SASH1: variants seen among roughly 807,000 people sequenced by gnomAD.
The protein encoded by SASH1 is SAM and SH3 domain-containing protein 1.
In SASH1, 44 loss-of-function variants were observed where a neutral mutation model predicts 125.2. The observed-to-expected ratio is 0.35, with a 90% CI of 0.28 to 0.45. The LOEUF (loss-of-function observed/expected upper bound fraction) is 0.45. Among genes scored for constraint, SASH1 ranks in the 20% least tolerant of loss-of-function variants. The pLI is 1.00. For missense variants in SASH1, 1,426 were observed against 1,614.5 expected, an observed-to-expected ratio of 0.88 and a Z score of 2.00; for synonymous variants, 639 against 649.1, an observed-to-expected ratio of 0.98 and a Z score of 0.24.
At chr6:148,264,151 G>A in the SASH1 span, among the ~76,000 whole-genome samples, 1 of 146,406 alleles carries the variant, frequency 6.8e-6, no homozygotes, top group African/African-American at 2.6e-5. Flanking sequence ...TGATTTGAAA[G>A]GACTCTGTTA....
the SASH1 span, among the ~76,000 whole-genome samples, chr6:148,251,857 A>G: frequency 4.9e-5 from 5 of 102,630 alleles, no homozygotes; most frequent in East Asian, 1.8e-3. Context: ...AACAGTCCCC[A>G]GAGTGTGATG....
At chr6:148,511,616 T>C (rs1780145470) in intron 8 of SASH1, among the ~76,000 whole-genome samples, 1 of 152,134 alleles carries the variant, frequency 6.6e-6, no homozygotes, top group African/African-American at 2.4e-5. Context: ...CAAAAATAAA[T>C]GGAACATGTG....
intron 5 of SASH1, 59 bp downstream of exon 5, chr6:148,468,644 C>G: frequency 9.2e-7 from 1 of 1,088,514 alleles, no homozygotes; most frequent in East Asian, 2.6e-5. Context: ...ATAGAAAACA[C>G]GAATATGTGA....
At chr6:148,316,149 G>A (rs1369639888) in intron 1 of SASH1, among the ~76,000 whole-genome samples, 1 of 152,150 alleles carries the variant, frequency 6.6e-6, no homozygotes, top group Non-Finnish European at 1.5e-5. Flanking sequence ...GATTTACTGA[G>A]AATATAATAT....
chr6:148,546,206 GACC>G, intron 19 of SASH1, 60 bp downstream of exon 19: 1 of 1,565,540 alleles, frequency 6.4e-7, no homozygotes, highest in Non-Finnish European at 8.7e-7. Flanking sequence ...GCTTAGTGAT[GACC>G]ATACTAACAA....
chr6:148,360,644 G>GCCCC, intron 1 of SASH1, among the ~76,000 whole-genome samples: 1 of 105,234 alleles, frequency 9.5e-6, no homozygotes, highest in Non-Finnish European at 2.0e-5. Context: ...CCACCCCCCC[G>GCCCC]CCAGGCTTTA....
chr6:148,404,810 C>T (rs1213217076), intron 2 of SASH1, among the ~76,000 whole-genome samples: 1 of 143,796 alleles, frequency 7.0e-6, no homozygotes, highest in Non-Finnish European at 1.5e-5. Flanking sequence ...CAACACCCCA[C>T]CCCCAGCCCC....
chr6:148,408,059 C>T (rs558465023), intron 2 of SASH1, among the ~76,000 whole-genome samples: 5 of 151,600 alleles, frequency 3.3e-5, no homozygotes, highest in Non-Finnish European at 7.4e-5. Flanking sequence ...TTGATAATAA[C>T]TATCCTAATG....
At chr6:148,370,126 G>C (rs150439608) in intron 1 of SASH1, among the ~76,000 whole-genome samples, 9 of 152,280 alleles carry the variant, frequency 5.9e-5, no homozygotes, top group Non-Finnish European at 1.3e-4. Context: ...AGGAAGGATA[G>C]AAGGATAGAT....
At chr6:148,418,621 G>A (rs1020153675) in intron 2 of SASH1, among the ~76,000 whole-genome samples, 3 of 152,080 alleles carry the variant, frequency 2.0e-5, no homozygotes, top group African/African-American at 7.2e-5. Flanking sequence ...TTGAATTCAC[G>A]ATACAGATAT....
At chr6:148,493,593 C>T (rs978844875) in intron 8 of SASH1, among the ~76,000 whole-genome samples, 1 of 152,196 alleles carries the variant, frequency 6.6e-6, no homozygotes, top group Admixed American at 6.5e-5. Flanking sequence ...TATATTGATG[C>T]CTGTCATGCC....
chr6:148,325,261 T>TGTTG (rs1554235038), intron 1 of SASH1, among the ~76,000 whole-genome samples: 5 of 149,878 alleles, frequency 3.3e-5, no homozygotes, highest in African/African-American at 1.2e-4. Flanking sequence ...AAAAGCCTCT[T>TGTTG]TTGTTGTTGT....
intron 8 of SASH1, among the ~76,000 whole-genome samples, chr6:148,507,850 T>C (rs1418161467): frequency 1.3e-5 from 2 of 152,200 alleles, no homozygotes; most frequent in African/African-American, 4.8e-5. Context: ...CAACTCACAT[T>C]GTGCTGTGAG....
At chr6:148,512,995 C>T (rs1388455705) in intron 8 of SASH1, 1 of 985,200 alleles carries the variant, frequency 1.0e-6, no homozygotes, top group Non-Finnish European at 1.2e-6. Flanking sequence ...ATATCCCTTA[C>T]TATCCTTGTA....
chr6:148,250,662 A>C, the SASH1 span, among the ~76,000 whole-genome samples: 1 of 152,110 alleles, frequency 6.6e-6, no homozygotes, highest in African/African-American at 2.4e-5. Flanking sequence ...ATTCCTGTTG[A>C]ATTAATTACT....
intron 2 of SASH1, chr6:148,393,652 C>G: frequency 1.0e-6 from 1 of 961,096 alleles, no homozygotes; most frequent in Non-Finnish European, 1.2e-6. Flanking sequence ...AAACCTCCTT[C>G]TCATTCAAAC....
chr6:148,468,297 C>G (rs1249106429), intron 4 of SASH1, among the ~76,000 whole-genome samples: 1 of 152,212 alleles, frequency 6.6e-6, no homozygotes, highest in Non-Finnish European at 1.5e-5. Context: ...CTAGTGAAGT[C>G]TGTCTTCTTC....
At chr6:148,215,135 G>A in the SASH1 span, among the ~76,000 whole-genome samples, 2 of 152,222 alleles carry the variant, frequency 1.3e-5, no homozygotes, top group Non-Finnish European at 2.9e-5. Context: ...AGAAGACTGT[G>A]AGGGGTTCTG....
chr6:148,227,676 A>T, the SASH1 span, among the ~76,000 whole-genome samples: 3 of 152,184 alleles, frequency 2.0e-5, no homozygotes, highest in African/African-American at 7.2e-5. Flanking sequence ...ATATTTATTG[A>T]ATAAATGACA....
Sources: gnomAD v4.1 joint callset for allele counts (sites outside exome capture counted in the v4.1 genomes callset) on GRCh38, gnomAD v4.1.1 for gene constraint, MANE v1.5 for transcripts, NCBI Gene and HGNC (gene_info 2026-07-23, HGNC 2026-07-21) for gene names.